Variants in YWHAE observed in about 807,000 individuals in gnomAD.
YWHAE encodes 14-3-3 protein epsilon.
A neutral mutation model predicts 30.1 loss-of-function variants in YWHAE; 4 were observed. The ratio of observed to expected loss-of-function variants is 0.13; its 90% confidence interval spans 0.07 to 0.30. The LOEUF (loss-of-function observed/expected upper bound fraction) is 0.30, where lower values mean the gene tolerates loss of function less well. YWHAE is among the 10% of genes least tolerant of loss of function. The pLI is 1.00. For missense variants in YWHAE, 121 were observed against 315.9 expected (o/e 0.38, Z 4.68); for synonymous variants, 118 against 111.8 (o/e 1.06, Z -0.35).
At chr17:1,388,126 T>TTGTTTG (rs2073334424) in intron 1 of YWHAE, among the ~76,000 whole-genome samples, 1 of 97,076 alleles carries the variant, frequency 1.0e-5, no homozygotes, top group Non-Finnish European at 2.0e-5. Flanking sequence ...TGGTTTTTTT[T>TTGTTTG]TTTTTTTTTT....
chr17:1,393,352 G>T lies in YWHAE; in HGVS notation c.64+6695C>A, dbSNP rs902887906. ...AAAAAAAGGAAAAAGATAAAAGTGA[G>T]AGGAGAAAATATTTTAAAGCTACTT... On this transcript the variant is annotated intron_variant, in intron 1 of 5. Coordinates refer to ENST00000264335, the MANE Select transcript of YWHAE (RefSeq NM_006761.5). 3.3e-5 allele frequency among the ~76,000 whole-genome samples: 5 copies of T among 151,630 alleles called. 1 individual carries two copies. Among genetic ancestry groups the T allele is most frequent in the Non-Finnish European group, 7.4e-5 (5 of 67,918 alleles).
At chr17:1,361,363 ATAAGC>A (rs1307533362) in intron 3 of YWHAE, 65 bp from the exon 4 acceptor site, 4 of 1,342,882 alleles carry the variant, frequency 3.0e-6, no homozygotes, top group Non-Finnish European at 4.1e-6. Context: ...TTAAAGGAAA[ATAAGC>A]TAAAATTGTT....
intron 1 of YWHAE, among the ~76,000 whole-genome samples, chr17:1,393,151 TAAA>T (rs1012999480): frequency 7.0e-6 from 1 of 143,856 alleles, no homozygotes; most frequent in Non-Finnish European, 1.5e-5. Flanking sequence ...AATAAATAAA[TAAA>T]TAAATAAATA....
In YWHAE at chr17:1,344,893, T is replaced by C; in HGVS notation, c.*554A>G. ...ACCAGCACCATGCTTTTCAGCAACA[T>C]TTCAGCGGAGTTGGAAACATTTTTT... On this transcript the variant is annotated 3_prime_UTR_variant, in exon 6 of 6. Coordinates refer to ENST00000264335, the MANE Select transcript of YWHAE (RefSeq NM_006761.5). 4.3e-6 allele frequency: 1 copy of C among 233,572 alleles called. No homozygotes were observed. The highest frequency in any genetic ancestry group is 6.1e-5 in the East Asian group (1 of 16,520). The allele number at this position is 233,572 out of a possible 1,614,324, so 14.5% of individuals were successfully genotyped here.
chr17:1,375,937 C>A (rs981440833), intron 1 of YWHAE, among the ~76,000 whole-genome samples: 1 of 152,172 alleles, frequency 6.6e-6, no homozygotes, highest in Admixed American at 6.6e-5. Context: ...ACAAATAAAA[C>A]CCCCCATGCT....
chr17:1,379,232 C>T lies in YWHAE; in HGVS notation c.65-14174G>A, dbSNP rs572869993. 7.2e-5 allele frequency among the ~76,000 whole-genome samples: 11 copies of T among 152,326 alleles called. 1 individual carries two copies. In the South Asian group the frequency reaches 1.9e-3, roughly 26 times the overall value. Reference sequence around the variant, plus strand: ...TTTTACATGGCCTCACGCCTGTAATCCCAACACTTTGGGAGGATGAAGCGG... The same window carrying T: ...TTTTACATGGCCTCACGCCTGTAATTCCAACACTTTGGGAGGATGAAGCGG... On this transcript the variant is annotated intron_variant, in intron 1 of 5. Coordinates refer to ENST00000264335, the MANE Select transcript of YWHAE (RefSeq NM_006761.5).
In YWHAE at chr17:1,400,032, GCCC is replaced by G. The variant is rs761494265; in HGVS notation, c.64+12_64+14del. ...GGTCCGAGAATTCCAGCCCCCCGTT[GCCC>G]CCCCAACTCACCGTCGTATCGCTCA... is the stretch of plus-strand genomic sequence containing the variant. On this transcript the variant is annotated intron_variant, in intron 1 of 5. Coordinates refer to ENST00000264335, the MANE Select transcript of YWHAE (RefSeq NM_006761.5). 1.9e-6 allele frequency: 3 copies of G among 1,607,246 alleles called. No homozygotes were observed. The South Asian group carries it at 3.3e-5, about 18-fold the overall frequency.
At chr17:1,351,951 C>CT (rs2072641688) in intron 5 of YWHAE, 4 of 80,180 alleles carry the variant, frequency 5.0e-5, no homozygotes, top group African/African-American at 8.4e-5. Flanking sequence ...CTGCACCCGG[C>CT]ATTTTTTTTT....
At chr17:1,358,728 G>A (rs549291347) in intron 4 of YWHAE, among the ~76,000 whole-genome samples, 1 of 151,664 alleles carries the variant, frequency 6.6e-6, no homozygotes, top group South Asian at 2.1e-4. Context: ...TACTTGAGAG[G>A]CTGAAGCACC....
intron 1 of YWHAE, among the ~76,000 whole-genome samples, chr17:1,393,984 G>A (rs966846718): frequency 2.6e-5 from 4 of 152,132 alleles, no homozygotes; most frequent in African/African-American, 9.7e-5. Flanking sequence ...ACATCAAGAT[G>A]TGAAGTAGAT....
chr17:1,397,790 C>T (rs571570273), intron 1 of YWHAE, among the ~76,000 whole-genome samples: 3 of 152,090 alleles, frequency 2.0e-5, no homozygotes, highest in Non-Finnish European at 4.4e-5. Context: ...GTTTCTGTCT[C>T]CTCCTCCTCC....
chr17:1,370,728 G>A (rs2073028480), intron 1 of YWHAE, among the ~76,000 whole-genome samples: 1 of 152,004 alleles, frequency 6.6e-6, no homozygotes, highest in Non-Finnish European at 1.5e-5. Flanking sequence ...GGGAGCGGTG[G>A]CTCACGCCTA....
intron 4 of YWHAE, among the ~76,000 whole-genome samples, chr17:1,359,281 C>T (rs972043304): frequency 1.1e-4 from 16 of 152,298 alleles, no homozygotes; most frequent in African/African-American, 3.4e-4. Context: ...GAGTGCACAA[C>T]TGCAGAGACA....
intron 1 of YWHAE, chr17:1,399,149 CG>C (rs1446144689): frequency 1.3e-5 from 2 of 152,080 alleles, no homozygotes; most frequent in African/African-American, 4.8e-5. Flanking sequence ...GACGGAGGCT[CG>C]GGCTCTACAA....
At position 1,361,039 on chromosome 17, in the gene YWHAE, A is replaced by G. The variant is rs2072856108; in HGVS notation, c.578+53T>C. 3.3e-6 allele frequency: 5 copies of G among 1,537,572 alleles called. No homozygotes were observed. The South Asian group carries it at 4.5e-5, about 14-fold the overall frequency. ...AAGAAACAACACGGAAAACCCAAACAGCGCCCCCCTTAACTTTCACGCTGA... is the reference window on the plus strand; with the variant it reads ...AAGAAACAACACGGAAAACCCAAACGGCGCCCCCCTTAACTTTCACGCTGA... On this transcript the variant is annotated intron_variant, in intron 4 of 5. Coordinates refer to ENST00000264335, the MANE Select transcript of YWHAE (RefSeq NM_006761.5).
At chr17:1,400,022 G>T in intron 1 of YWHAE, 25 bp downstream of exon 1, 1 of 1,605,616 alleles carries the variant, frequency 6.2e-7, no homozygotes, top group Non-Finnish European at 8.5e-7. Context: ...GAGAATTCCA[G>T]CCCCCCGTTG....
intron 3 of YWHAE, chr17:1,361,645 A>G: frequency 2.2e-6 from 1 of 445,010 alleles, no homozygotes; most frequent in Non-Finnish European, 4.0e-6. Context: ...GTCTATATAT[A>G]ACACTAAGCA....
chr17:1,368,184 C>A (rs1425630451), intron 1 of YWHAE, among the ~76,000 whole-genome samples: 1 of 151,982 alleles, frequency 6.6e-6, no homozygotes, highest in Non-Finnish European at 1.5e-5. Flanking sequence ...GTCGGGAGAT[C>A]GAGACCAGCC....
chr17:1,369,031 A>G (rs559698268), intron 1 of YWHAE, among the ~76,000 whole-genome samples: 20 of 152,374 alleles, frequency 1.3e-4, no homozygotes, highest in African/African-American at 4.3e-4. Flanking sequence ...AAAGAGAAAT[A>G]TATTTGTAAC....
Sources: allele counts gnomAD v4.1 joint callset (sites outside exome capture counted in the v4.1 genomes callset), GRCh38; gene constraint gnomAD v4.1.1; transcripts MANE v1.5; gene names NCBI Gene and HGNC (gene_info 2026-07-23, HGNC 2026-07-21).